ABCG5: variants seen among roughly 807,000 people sequenced by gnomAD.
ABCG5 encodes the protein ATP-binding cassette sub-family G member 5.
A neutral mutation model predicts 64.5 loss-of-function variants in ABCG5; 64 were observed. The ratio of observed to expected loss-of-function variants is 0.99; its 90% CI spans 0.81 to 1.22. The LOEUF (loss-of-function observed/expected upper bound fraction) is 1.22, where lower values mean the gene tolerates loss of function less well. Among genes scored for constraint, ABCG5 ranks in the 50% most tolerant of loss-of-function variants. The pLI, the probability that ABCG5 is intolerant of heterozygous loss-of-function variation, is 0.00. For synonymous variants in ABCG5, 385 were observed against 326.3 expected, an observed-to-expected ratio of 1.18 and a Z score of -1.94; for missense variants, 908 against 829.5, an observed-to-expected ratio of 1.09 and a Z score of -1.16.
chr2:43,820,962 A>G (rs922428730), intron 10 of ABCG5, among the ~76,000 whole-genome samples: 5 of 152,010 alleles, frequency 3.3e-5, no homozygotes, highest in African/African-American at 1.2e-4. Context: ...CCTGACCTTC[A>G]TTTTCTTGTA....
downstream of ABCG5, among the ~76,000 whole-genome samples, chr2:43,808,327 C>T (rs1029427342): frequency 2.0e-5 from 3 of 150,286 alleles, no homozygotes; most frequent in African/African-American, 7.3e-5. Context: ...AAACATTTAA[C>T]ATTTAAATTT....
At chr2:43,828,256 A>G in intron 4 of ABCG5, 141 bp from the exon 5 acceptor site, 1 of 1,095,876 alleles carries the variant, frequency 9.1e-7, no homozygotes, top group Admixed American at 2.0e-5. Flanking sequence ...CCCTGGGGAA[A>G]GCATGTCTTT....
At position 43,831,872 on chromosome 2, in the gene ABCG5, A is replaced by T. The variant is rs549117301; in HGVS notation, c.403-5T>A. On this transcript the variant is annotated splice_polypyrimidine_tract_variant and splice_region_variant and intron_variant, in intron 3 of 12. Coordinates refer to ENST00000405322, the MANE Select transcript of ABCG5 (RefSeq NM_022436.3). ...GCTGCTCAGCAGGGTGTCGCTCTGCAGGAGACTCGGGCGTCAGTGTAGCCT... is the reference window on the plus strand; with the variant it reads ...GCTGCTCAGCAGGGTGTCGCTCTGCTGGAGACTCGGGCGTCAGTGTAGCCT... 1.1e-5 allele frequency: 16 copies of T among 1,472,110 alleles called. No individual in the cohort carries two copies. In the East Asian group the frequency reaches 3.9e-4, roughly 36 times the overall value. The allele number at this position is 1,472,110 out of a possible 1,614,324, so 91.2% of individuals were successfully genotyped here.
downstream of ABCG5, among the ~76,000 whole-genome samples, chr2:43,811,701 T>A: frequency 6.6e-6 from 1 of 151,710 alleles, no homozygotes; most frequent in East Asian, 1.9e-4. Context: ...TTCAAGCGAT[T>A]CTCCTGCCTC....
At chr2:43,822,491 C>A (rs1350128444) in intron 10 of ABCG5, 12 of 843,070 alleles carry the variant, frequency 1.4e-5, no homozygotes, top group African/African-American at 1.8e-5. Flanking sequence ...CCCCCCCATG[C>A]ACCTGGGTCC....
chr2:43,809,136 C>T (rs1367271699), downstream of ABCG5, among the ~76,000 whole-genome samples: 1 of 152,016 alleles, frequency 6.6e-6, no homozygotes, highest in Non-Finnish European at 1.5e-5. Flanking sequence ...CCACAGCGCA[C>T]ACCACCATGC....
intron 11 of ABCG5, among the ~76,000 whole-genome samples, chr2:43,819,087 C>G (rs61701484): frequency 6.6e-6 from 1 of 152,062 alleles, no homozygotes. Flanking sequence ...CACACATATA[C>G]TTTTATATAG....
chr2:43,810,889 T>C (rs1344352129), downstream of ABCG5, among the ~76,000 whole-genome samples: 5 of 152,202 alleles, frequency 3.3e-5, no homozygotes, highest in Non-Finnish European at 5.9e-5. Flanking sequence ...ACAAGAGTAA[T>C]AGGAATTGTT....
chr2:43,828,328 T>C, intron 4 of ABCG5: 2 of 674,804 alleles, frequency 3.0e-6, no homozygotes, highest in Non-Finnish European at 2.5e-6. Flanking sequence ...AAATAAATAA[T>C]ATGAATTTTT....
At chr2:43,826,919 C>G (rs1292054901) in intron 5 of ABCG5, among the ~76,000 whole-genome samples, 1 of 152,196 alleles carries the variant, frequency 6.6e-6, no homozygotes, top group African/African-American at 2.4e-5. Context: ...TTTCCAACAC[C>G]AGCAGGGTCT....
At chr2:43,812,399 A>G (rs1410747210), downstream of ABCG5, 1 of 151,698 alleles carries the variant, frequency 6.6e-6, no homozygotes, top group Non-Finnish European at 1.5e-5. Flanking sequence ...CCTATAAGTA[A>G]ACTCAGCTGA....
Position 43,831,712 on chromosome 2 carries a change from C to A in ABCG5, c.501+57G>T. ...GCAAGCGTAGGCGAAGAGAGGAGGG[C>A]AGCGGGGGGTGCAAAGGTACTCAGT... is the stretch of plus-strand genomic sequence containing the variant. On this transcript the variant is annotated intron_variant, in intron 4 of 12. Coordinates refer to ENST00000405322, the MANE Select transcript of ABCG5 (RefSeq NM_022436.3). 2.0e-6 allele frequency: 3 copies of A among 1,477,936 alleles called. No individual in the cohort carries two copies. In the South Asian group the frequency reaches 3.6e-5, roughly 18 times the overall value. The allele number at this position is 1,477,936 out of a possible 1,614,324, so 91.6% of individuals were successfully genotyped here.
At chr2:43,837,992 G>A (rs2104895815) in intron 1 of ABCG5, 37 bp from the exon 2 acceptor site, 1 of 1,612,926 alleles carries the variant, frequency 6.2e-7, no homozygotes. Context: ...AGGCAGCTTG[G>A]GGCCCTGGAA....
the ABCG5 span, among the ~76,000 whole-genome samples, chr2:43,807,418 T>G: frequency 6.6e-6 from 1 of 152,178 alleles, no homozygotes; most frequent in African/African-American, 2.4e-5. Flanking sequence ...AAGCACTTGC[T>G]GAGCCCTTCT....
In ABCG5 at chr2:43,837,310, G is replaced by A. The variant is rs563362113; in HGVS notation, c.265+524C>T. On this transcript the variant is annotated intron_variant, in intron 2 of 12. Transcript: ENST00000405322. ...AACTTTTGTATGTTTTTGTAGAGATGGGGTCCCACTATGTTGCTTAGGTTG... is the reference window on the plus strand; with the variant it reads ...AACTTTTGTATGTTTTTGTAGAGATAGGGTCCCACTATGTTGCTTAGGTTG... Among the ~76,000 whole-genome samples the A allele has an allele frequency of 2.0e-5, 3 of 151,194 alleles. No homozygotes were observed. The East Asian group carries it at 5.8e-4, about 29-fold the overall frequency.
At chr2:43,830,275 C>G (rs1667882321) in intron 4 of ABCG5, among the ~76,000 whole-genome samples, 1 of 152,220 alleles carries the variant, frequency 6.6e-6, no homozygotes, top group Admixed American at 6.5e-5. Context: ...ATGAGCAAGT[C>G]CAACCCTCCA....
chr2:43,807,765 A>AAG (rs1475681402), downstream of ABCG5, among the ~76,000 whole-genome samples: 22 of 151,282 alleles, frequency 1.5e-4, no homozygotes, highest in African/African-American at 5.3e-4. Flanking sequence ...AAAAAAAAAA[A>AAG]AAAAAAAAGG....
At chr2:43,806,973 C>T in the ABCG5 span, among the ~76,000 whole-genome samples, 5 of 152,074 alleles carry the variant, frequency 3.3e-5, no homozygotes, top group African/African-American at 7.2e-5. Flanking sequence ...TGGTTTTAGA[C>T]GAATTGATTC....
rs1374016687 is a variant in ABCG5 at position 43,820,102 on chromosome 2, T to C, written c.1464-2A>G. ...ACCTCAGGATGTAAGCCCAGCGTCC[T>C]AGAAAAGCATAAGCTCTTTAGTTTC... is the stretch of plus-strand genomic sequence containing the variant. On this transcript the variant is annotated splice_acceptor_variant, in intron 10 of 12. Coordinates refer to ENST00000405322, the MANE Select transcript of ABCG5 (RefSeq NM_022436.3). LOFTEE classifies it high-confidence loss of function. 1 of 1,613,194 alleles carries C rather than the reference T, an allele frequency of 6.2e-7. No individual in the cohort carries two copies. The highest frequency in any genetic ancestry group is 8.5e-7 in the Non-Finnish European group (1 of 1,179,546).
Sources: gnomAD v4.1 joint callset for allele counts (sites outside exome capture counted in the v4.1 genomes callset) on GRCh38, gnomAD v4.1.1 for gene constraint, MANE v1.5 for transcripts, NCBI Gene and HGNC (gene_info 2026-07-23, HGNC 2026-07-21) for gene names.